RABGAP1L: variants seen among roughly 807,000 people sequenced by gnomAD.
RABGAP1L encodes rab GTPase-activating protein 1-like.
RABGAP1L carries 63 observed loss-of-function variants against 137.7 expected under a neutral mutation model. That is an observed-to-expected ratio of 0.46 (90% CI 0.37 to 0.56). RABGAP1L has a LOEUF of 0.56. Among genes scored for constraint, RABGAP1L ranks in the 20% least tolerant of loss-of-function variants. The pLI is 0.00. For missense variants in RABGAP1L, 1,095 were observed against 1,244.0 expected (o/e 0.88, Z 1.80); for synonymous variants, 431 against 433.7 (o/e 0.99, Z 0.08).
At chr1:174,658,948 T>C (rs1234340991) in intron 14 of RABGAP1L, among the ~76,000 whole-genome samples, 2 of 152,180 alleles carry the variant, frequency 1.3e-5, no homozygotes, top group African/African-American at 4.8e-5. Context: ...TTTAGGCACC[T>C]GTAAAGAAAA....
intron 19 of RABGAP1L, among the ~76,000 whole-genome samples, chr1:174,927,466 GC>G (rs1663037426): frequency 6.6e-6 from 1 of 152,156 alleles, no homozygotes; most frequent in Admixed American, 6.5e-5. Context: ...CTGAGCTCAT[GC>G]AGTCCTCCTG....
intron 11 of RABGAP1L, among the ~76,000 whole-genome samples, chr1:174,335,148 G>T (rs934913164): frequency 2.0e-5 from 3 of 152,064 alleles, no homozygotes; most frequent in Admixed American, 6.6e-5. Flanking sequence ...TATAGATCAG[G>T]TGTTTCATAC....
intron 7 of RABGAP1L, among the ~76,000 whole-genome samples, chr1:174,268,781 C>A (rs1364227787): frequency 2.6e-5 from 4 of 152,062 alleles, no homozygotes; most frequent in Non-Finnish European, 5.9e-5. Flanking sequence ...GTGTTAAAAG[C>A]TGCTTAAAGT....
intron 20 of RABGAP1L, among the ~76,000 whole-genome samples, chr1:174,961,862 AAAAAAAAG>A (rs1558285919): frequency 2.1e-5 from 3 of 140,988 alleles, no homozygotes; most frequent in African/African-American, 3.0e-5. Flanking sequence ...AAAAAAAAAA[AAAAAAAAG>A]AAACGACCAG....
intron 9 of RABGAP1L, among the ~76,000 whole-genome samples, chr1:174,276,999 AT>A (rs61246604): frequency 0.59 from 89,351 of 151,886 alleles, 29,264 homozygotes; most frequent in African/African-American, 0.9. Context: ...TTTATCATTA[AT>A]TTTTATATTA....
chr1:174,246,520 A>G (rs1672276919), intron 5 of RABGAP1L, among the ~76,000 whole-genome samples: 1 of 152,222 alleles, frequency 6.6e-6, no homozygotes, highest in Non-Finnish European at 1.5e-5. Context: ...TTTGATAAAA[A>G]TGTATGGTTT....
chr1:174,957,698 C>T (rs758241995), intron 20 of RABGAP1L, 149 bp downstream of exon 20: 14 of 901,516 alleles, frequency 1.6e-5, no homozygotes, highest in East Asian at 2.7e-5. Flanking sequence ...ATTACAGGCA[C>T]GAGCCACCAT....
In RABGAP1L at chr1:174,598,326, CAA is replaced by C. The variant is rs35838560; in HGVS notation, c.1711-39029_1711-39028del. Among the ~76,000 whole-genome samples the C allele has an allele frequency of 3.2e-3, 217 of 68,650 alleles. 3 individuals carry two copies. Among genetic ancestry groups the C allele is most frequent in the African/African-American group, 0.012 (171 of 13,902 alleles). 45.0% of individuals were successfully genotyped at this position (68,650 alleles called of 152,430 possible). ...CTGGCAGCAGAGTGAGACTCTGTCTCAAAAAAAAAAAAAAAAAAAAATGGTCT... is the reference window on the plus strand; with the variant it reads ...CTGGCAGCAGAGTGAGACTCTGTCTCAAAAAAAAAAAAAAAAAAATGGTCT... On this transcript the variant is annotated intron_variant, in intron 13 of 25. Coordinates refer to ENST00000681986, the MANE Select transcript of RABGAP1L (RefSeq NM_001366446.1).
At chr1:174,891,643 A>G (rs572802014) in intron 19 of RABGAP1L, among the ~76,000 whole-genome samples, 1 of 152,214 alleles carries the variant, frequency 6.6e-6, no homozygotes, top group African/African-American at 2.4e-5. Flanking sequence ...CTGGTACTAC[A>G]GGCACATGCC....
At chr1:174,707,794 C>G (rs1400401651) in intron 17 of RABGAP1L, among the ~76,000 whole-genome samples, 1 of 152,196 alleles carries the variant, frequency 6.6e-6, no homozygotes. Flanking sequence ...CCTCCATCAC[C>G]CAGTGGTTGA....
intron 19 of RABGAP1L, among the ~76,000 whole-genome samples, chr1:174,840,082 A>G (rs970982643): frequency 4.6e-5 from 7 of 152,348 alleles, no homozygotes; most frequent in African/African-American, 1.7e-4. Context: ...GGGACTAAGG[A>G]CCAGAACATA....
At chr1:174,976,966 T>C (rs542002544) in intron 22 of RABGAP1L, among the ~76,000 whole-genome samples, 8 of 152,222 alleles carry the variant, frequency 5.3e-5, no homozygotes, top group Non-Finnish European at 1.0e-4. Context: ...TCACAAACAA[T>C]TGAAGTCTTC....
chr1:174,282,893 T>A (rs1675702269), intron 10 of RABGAP1L, among the ~76,000 whole-genome samples: 1 of 152,218 alleles, frequency 6.6e-6, no homozygotes, highest in Non-Finnish European at 1.5e-5. Context: ...TGTCTAAAAT[T>A]AATTGACTGT....
chr1:174,262,973 A>C (rs1404059133), intron 7 of RABGAP1L, among the ~76,000 whole-genome samples: 1 of 152,238 alleles, frequency 6.6e-6, no homozygotes, highest in Non-Finnish European at 1.5e-5. Context: ...AGGGACATCC[A>C]GTGATGCTGT....
intron 13 of RABGAP1L, among the ~76,000 whole-genome samples, chr1:174,395,739 A>G (rs975401278): frequency 1.3e-5 from 2 of 151,388 alleles, no homozygotes; most frequent in Non-Finnish European, 2.9e-5. Flanking sequence ...AGTCTCAGCT[A>G]TTGAGAGGCT....
intron 19 of RABGAP1L, among the ~76,000 whole-genome samples, chr1:174,859,953 CTTTTTTTTTTT>C (rs746676430): frequency 6.3e-5 from 6 of 95,150 alleles, no homozygotes; most frequent in Non-Finnish European, 1.2e-4. Context: ...TAGTCCAATG[CTTTTTTTTTTT>C]TTTTTTTTTT....
At chr1:174,840,510 T>C (rs535182720) in intron 19 of RABGAP1L, among the ~76,000 whole-genome samples, 65 of 151,060 alleles carry the variant, frequency 4.3e-4, no homozygotes, top group Non-Finnish European at 8.8e-4. Context: ...CTTCCTAGGG[T>C]ATAAAGAAGA....
chr1:174,175,824 C>T (rs964903702), intron 1 of RABGAP1L, among the ~76,000 whole-genome samples: 1 of 152,020 alleles, frequency 6.6e-6, no homozygotes, highest in Non-Finnish European at 1.5e-5. Flanking sequence ...GGAGTTTCAC[C>T]ATGTTGGCCA....
chr1:174,300,040 G>A (rs553270797), intron 10 of RABGAP1L, among the ~76,000 whole-genome samples: 1 of 152,280 alleles, frequency 6.6e-6, no homozygotes, highest in African/African-American at 2.4e-5. Context: ...GATTATGGTT[G>A]ACAGCATATA....
Sources: allele counts gnomAD v4.1 joint callset (sites outside exome capture counted in the v4.1 genomes callset), GRCh38; gene constraint gnomAD v4.1.1; transcripts MANE v1.5; gene names NCBI Gene and HGNC (gene_info 2026-07-23, HGNC 2026-07-21).